Variants in PTPRT observed in about 807,000 individuals in gnomAD.
PTPRT encodes receptor-type tyrosine-protein phosphatase T.
A neutral mutation model predicts 176.8 loss-of-function variants in PTPRT; 56 were observed. The observed-to-expected ratio is 0.32, with a 90% CI of 0.26 to 0.40. The LOEUF (loss-of-function observed/expected upper bound fraction) is 0.40, where lower values mean the gene tolerates loss of function less well. PTPRT is among the 10% of genes least tolerant of loss of function. PTPRT has a pLI of 1.00. For missense variants in PTPRT, 1,540 were observed against 1,908.2 expected (o/e 0.81, Z 3.60); for synonymous variants, 783 against 739.0 (o/e 1.06, Z -0.96).
chr20:42,139,673 G>C (rs1156633138), intron 18 of PTPRT, among the ~76,000 whole-genome samples: 2 of 152,250 alleles, frequency 1.3e-5, no homozygotes, highest in East Asian at 3.9e-4. Context: ...CAGTCTAAGA[G>C]ATGCAGGCAG....
At chr20:42,971,369 C>G (rs1982625715) in intron 1 of PTPRT, 1 of 152,122 alleles carries the variant, frequency 6.6e-6, no homozygotes, top group Non-Finnish European at 1.5e-5. Flanking sequence ...CAGACTTACC[C>G]AAAAAGGCAA....
chr20:42,236,939 G>A (rs2146861159), intron 14 of PTPRT, among the ~76,000 whole-genome samples: 1 of 151,894 alleles, frequency 6.6e-6, no homozygotes, highest in East Asian at 1.9e-4. Context: ...TCCAAGCTGG[G>A]GAAAAAAAAG....
In PTPRT at chr20:42,110,362, C is replaced by T. The variant is rs534451502; in HGVS notation, c.3225G>A (p.Pro1075=). ...AGTGGACCACTATGGGCCCAGCTTC[C>T]GGGGGGTTGAGGAACTTGACCTGGC... ...FVRQVKFLNP[P]EAGPIVVHCS... Residue 1075 remains proline (P), a synonymous_variant, in exon 23 of 31, where the codon CCG becomes CCA. Coordinates refer to ENST00000373187, the MANE Select transcript of PTPRT (RefSeq NM_007050.6). The T allele has an allele frequency of 1.2e-4, 189 of 1,612,388 alleles. 1 individual carries two copies. In the South Asian group the frequency reaches 1.6e-3, roughly 14 times the overall value.
intron 1 of PTPRT, among the ~76,000 whole-genome samples, chr20:43,078,463 C>A (rs2011341274): frequency 6.6e-6 from 1 of 152,192 alleles, no homozygotes; most frequent in Middle Eastern, 3.4e-3. Context: ...TCCCTTGCAC[C>A]CAGAAAACTG....
At chr20:42,888,250 T>C (rs2079134376) in intron 1 of PTPRT, among the ~76,000 whole-genome samples, 1 of 152,148 alleles carries the variant, frequency 6.6e-6, no homozygotes, top group South Asian at 2.1e-4. Context: ...ACTTTTCTTG[T>C]CATATGCCAC....
intron 7 of PTPRT, among the ~76,000 whole-genome samples, chr20:42,637,307 C>A (rs979610776): frequency 1.3e-5 from 2 of 152,142 alleles, no homozygotes; most frequent in Admixed American, 6.5e-5. Flanking sequence ...AAGTCCTAAC[C>A]ATTGCCAGCA....
chr20:42,464,671 A>G (rs1488553006), intron 8 of PTPRT, among the ~76,000 whole-genome samples: 1 of 152,214 alleles, frequency 6.6e-6, no homozygotes, highest in Non-Finnish European at 1.5e-5. Context: ...CTGAGCTCTA[A>G]TACAGTGATG....
At chr20:42,385,819 C>T (rs533207800) in intron 9 of PTPRT, among the ~76,000 whole-genome samples, 36 of 152,220 alleles carry the variant, frequency 2.4e-4, no homozygotes, top group Non-Finnish European at 4.6e-4. Context: ...GGAGAAACCA[C>T]CCCCACGATT....
At chr20:43,136,734 T>G (rs941613017) in intron 1 of PTPRT, among the ~76,000 whole-genome samples, 7 of 152,242 alleles carry the variant, frequency 4.6e-5, no homozygotes, top group African/African-American at 1.4e-4. Flanking sequence ...CCTCAGCTAG[T>G]AAGCGCTTGA....
At chr20:42,068,911 C>G (rs1033642144), downstream of PTPRT, among the ~76,000 whole-genome samples, 3 of 152,178 alleles carry the variant, frequency 2.0e-5, no homozygotes, top group Non-Finnish European at 4.4e-5. Flanking sequence ...AATAGAGAAA[C>G]AGATTCATCT....
At chr20:42,362,047 T>C (rs1013804195) in intron 9 of PTPRT, among the ~76,000 whole-genome samples, 4 of 152,100 alleles carry the variant, frequency 2.6e-5, no homozygotes, top group African/African-American at 7.2e-5. Flanking sequence ...ATACCAGTAA[T>C]GAGAAATATG....
At chr20:43,180,447 G>GAT (rs144915810) in intron 1 of PTPRT, among the ~76,000 whole-genome samples, 18,189 of 141,152 alleles carry the variant, frequency 0.13, 1,605 homozygotes, top group East Asian at 0.36. Flanking sequence ...GGGAGAGAGG[G>GAT]ATATATATAT....
At chr20:42,140,058 C>T (rs1258878528) in intron 18 of PTPRT, among the ~76,000 whole-genome samples, 3 of 152,244 alleles carry the variant, frequency 2.0e-5, no homozygotes, top group Admixed American at 6.5e-5. Flanking sequence ...TAAATCAGCA[C>T]AGGAAACAGC....
chr20:42,666,571 T>A (rs1425063704), intron 7 of PTPRT, among the ~76,000 whole-genome samples: 2 of 152,208 alleles, frequency 1.3e-5, no homozygotes, highest in African/African-American at 4.8e-5. Context: ...CCATTAAGAT[T>A]TTGATTAGAA....
chr20:42,082,770 C>T (rs1260081111), intron 29 of PTPRT, among the ~76,000 whole-genome samples: 1 of 152,230 alleles, frequency 6.6e-6, no homozygotes, highest in African/African-American at 2.4e-5. Context: ...TCTTTACAGA[C>T]AGTCCCTGTA....
intron 18 of PTPRT, among the ~76,000 whole-genome samples, chr20:42,129,592 G>A (rs925748392): frequency 3.3e-5 from 5 of 152,156 alleles, no homozygotes; most frequent in Admixed American, 6.5e-5. Context: ...ACATTGGTTC[G>A]GTCTGGTTGG....
intron 9 of PTPRT, among the ~76,000 whole-genome samples, chr20:42,442,519 G>C (rs989876078): frequency 2.0e-5 from 3 of 152,166 alleles, no homozygotes; most frequent in Non-Finnish European, 4.4e-5. Context: ...ACCCATTCCT[G>C]CCTCATTAGG....
intron 1 of PTPRT, among the ~76,000 whole-genome samples, chr20:43,089,549 A>G (rs571084727): frequency 6.6e-6 from 1 of 152,332 alleles, no homozygotes; most frequent in Admixed American, 6.5e-5. Context: ...GTGAGACAAT[A>G]TCATAAAATC....
At chr20:42,406,965 T>G (rs1439059294) in intron 9 of PTPRT, among the ~76,000 whole-genome samples, 1 of 152,176 alleles carries the variant, frequency 6.6e-6, no homozygotes, top group Non-Finnish European at 1.5e-5. Flanking sequence ...AAAGCTTTCC[T>G]CTGGGAATCC....
Sources: gnomAD v4.1 joint callset for allele counts (sites outside exome capture counted in the v4.1 genomes callset) on GRCh38, gnomAD v4.1.1 for gene constraint, MANE v1.5 for transcripts, NCBI Gene and HGNC (gene_info 2026-07-23, HGNC 2026-07-21) for gene names.